The following PRICKLE1 variants were observed in gnomAD, a reference collection of about 807,000 sequenced individuals.
PRICKLE1 encodes the protein prickle planar cell polarity protein 1, also known as prickle-like protein 1.
In PRICKLE1, 14 loss-of-function variants were observed where a neutral mutation model predicts 70.2. The observed-to-expected ratio is 0.20, with a 90% confidence interval of 0.13 to 0.31. The LOEUF (loss-of-function observed/expected upper bound fraction) is 0.31. PRICKLE1 is among the 10% of genes least tolerant of loss of function. The pLI, the probability that PRICKLE1 is intolerant of heterozygous loss-of-function variation, is 1.00. For missense variants in PRICKLE1, 821 were observed against 1,026.2 expected (o/e 0.80, Z 2.73); for synonymous variants, 357 against 379.9 (o/e 0.94, Z 0.70).
At chr12:42,529,940 T>C (rs201281392) in intron 1 of PRICKLE1, among the ~76,000 whole-genome samples, 83 of 138,406 alleles carry the variant, frequency 6.0e-4, no homozygotes, top group Non-Finnish European at 8.9e-4. Flanking sequence ...TTCCTTCCTT[T>C]CTTCCTTCCT....
chr12:42,542,501 C>G (rs2708032), intron 1 of PRICKLE1, among the ~76,000 whole-genome samples: 129 of 151,998 alleles, frequency 8.5e-4, no homozygotes, highest in Non-Finnish European at 1.7e-3. Flanking sequence ...AAATACAAAA[C>G]TTGGCTGAGT....
chr12:42,467,257 A>C (rs963928601), intron 5 of PRICKLE1, among the ~76,000 whole-genome samples: 7 of 151,706 alleles, frequency 4.6e-5, no homozygotes, highest in African/African-American at 1.7e-4. Context: ...GCTGGGACTA[A>C]AGGTGCATGC....
chr12:42,471,925 A>G lies in PRICKLE1; in HGVS notation c.132+460T>C, dbSNP rs11181514. On this transcript the variant is annotated intron_variant, in intron 2 of 7. Transcript: ENST00000345127. ...AAAGTTATCAAAGGTCAAACGTCTAAGCAGTAACACTTCAGAGGGTTTCTG... is the reference window on the plus strand; with the variant it reads ...AAAGTTATCAAAGGTCAAACGTCTAGGCAGTAACACTTCAGAGGGTTTCTG... 4.6e-5 allele frequency among the ~76,000 whole-genome samples: 7 copies of G among 152,342 alleles called. No homozygotes were observed. In the East Asian group the frequency reaches 1.4e-3, roughly 29 times the overall value.
intron 1 of PRICKLE1, among the ~76,000 whole-genome samples, chr12:42,529,474 T>C (rs1482340333): frequency 6.6e-6 from 1 of 152,254 alleles, no homozygotes; most frequent in Non-Finnish European, 1.5e-5. Flanking sequence ...TTTGCTATTG[T>C]TTATACAAAA....
At chr12:42,573,010 T>G (rs956224466) in intron 1 of PRICKLE1, among the ~76,000 whole-genome samples, 1 of 137,816 alleles carries the variant, frequency 7.3e-6, no homozygotes, top group South Asian at 2.2e-4. Context: ...GTTTCTTGTA[T>G]GTTTAAAAAA....
chr12:42,519,816 G>C (rs1302700387), intron 1 of PRICKLE1, among the ~76,000 whole-genome samples: 1 of 152,144 alleles, frequency 6.6e-6, no homozygotes, highest in African/African-American at 2.4e-5. Context: ...AGTATTTGTT[G>C]TTGTTGTTAG....
Position 42,460,303 on chromosome 12 carries a change from A to G in PRICKLE1, c.2002T>C (p.Ser668Pro). The G allele has an allele frequency of 6.2e-7, 1 of 1,614,024 alleles. No homozygotes were observed. Among genetic ancestry groups the G allele is most frequent in the Non-Finnish European group, 8.5e-7 (1 of 1,180,014 alleles). The change falls in exon 8 of 8, where the codon TCC (serine) becomes CCC (proline). Residue 668 changes from serine (S) to proline (P), a missense_variant. Physicochemically the swap from Ser to Pro is moderately conservative, Grantham distance 74. Transcript: ENST00000345127. ...CGGCGGCGGTGGTGATGAGACCTGG[A>G]TCCCCTCTCTTCAAAATTGTAGACG... Reference protein sequence around the residue: ...RRVYNFEERGSRSHHHRRRRS... With the variant: ...RRVYNFEERGPRSHHHRRRRS...
At chr12:42,582,173 T>C (rs951488708) in intron 1 of PRICKLE1, among the ~76,000 whole-genome samples, 1 of 152,240 alleles carries the variant, frequency 6.6e-6, no homozygotes, top group Non-Finnish European at 1.5e-5. Flanking sequence ...GGAACTTGTA[T>C]GATTAAGTTA....
intron 1 of PRICKLE1, among the ~76,000 whole-genome samples, chr12:42,503,579 T>TA (rs1939353890): frequency 1.3e-5 from 2 of 152,330 alleles, no homozygotes; most frequent in African/African-American, 4.8e-5. Flanking sequence ...CAGTGTAACA[T>TA]ACACACACAA....
chr12:42,497,180 G>A (rs527719592), intron 1 of PRICKLE1, among the ~76,000 whole-genome samples: 2 of 152,282 alleles, frequency 1.3e-5, no homozygotes, highest in East Asian at 3.9e-4. Context: ...ATGTCTCAGA[G>A]GATAGGGAAA....
chr12:42,534,013 C>T (rs1291831376), intron 1 of PRICKLE1, among the ~76,000 whole-genome samples: 1 of 152,056 alleles, frequency 6.6e-6, no homozygotes, highest in Non-Finnish European at 1.5e-5. Flanking sequence ...CAAGTAGGCC[C>T]AGGAAATATT....
intron 1 of PRICKLE1, among the ~76,000 whole-genome samples, chr12:42,560,223 A>G (rs927600855): frequency 2.6e-5 from 4 of 151,454 alleles, no homozygotes; most frequent in African/African-American, 9.7e-5. Context: ...TGCAACCTCC[A>G]TCTCTCAGGT....
chr12:42,554,078 TG>T (rs1940372482), intron 1 of PRICKLE1, among the ~76,000 whole-genome samples: 1 of 152,142 alleles, frequency 6.6e-6, no homozygotes, highest in Non-Finnish European at 1.5e-5. Flanking sequence ...CACTCCAGCC[TG>T]GGCGACAAGA....
intron 1 of PRICKLE1, among the ~76,000 whole-genome samples, chr12:42,477,480 GTGTATATATATATATATATATATA>G (rs1938606435): frequency 1.4e-5 from 1 of 69,040 alleles, no homozygotes; most frequent in South Asian, 5.9e-4. Flanking sequence ...GTGTGTGTGT[GTGTATATATATATATATATATATA>G]TATATATATA....
At chr12:42,581,724 G>T (rs1940904145) in intron 1 of PRICKLE1, among the ~76,000 whole-genome samples, 1 of 150,742 alleles carries the variant, frequency 6.6e-6, no homozygotes, top group Admixed American at 6.6e-5. Flanking sequence ...TCCAGCCTGG[G>T]TGACAGAAGG....
intron 1 of PRICKLE1, among the ~76,000 whole-genome samples, chr12:42,569,603 T>C (rs966786022): frequency 2.6e-5 from 4 of 152,220 alleles, no homozygotes; most frequent in African/African-American, 9.6e-5. Flanking sequence ...GTGCCAGCTG[T>C]GGCGATAAGG....
At chr12:42,519,708 G>A (rs1939676546) in intron 1 of PRICKLE1, among the ~76,000 whole-genome samples, 1 of 152,242 alleles carries the variant, frequency 6.6e-6, no homozygotes, top group African/African-American at 2.4e-5. Context: ...GACCAGTGAT[G>A]GGGTAGGTGA....
chr12:42,540,990 G>GT (rs544038566), intron 1 of PRICKLE1, among the ~76,000 whole-genome samples: 37 of 150,692 alleles, frequency 2.5e-4, no homozygotes, highest in Non-Finnish European at 3.4e-4. Context: ...GAGGTATTTG[G>GT]TTTTTTTTTC....
At chr12:42,471,618 C>G (rs181563296) in intron 2 of PRICKLE1, among the ~76,000 whole-genome samples, 1 of 152,208 alleles carries the variant, frequency 6.6e-6, no homozygotes, top group Admixed American at 6.5e-5. Flanking sequence ...ATACCCTATT[C>G]TCATAAAACG....
Sources: gnomAD v4.1 joint callset for allele counts (sites outside exome capture counted in the v4.1 genomes callset) on GRCh38, gnomAD v4.1.1 for gene constraint, MANE v1.5 for transcripts, NCBI Gene and HGNC (gene_info 2026-07-23, HGNC 2026-07-21) for gene names.